Variants in CUL5 observed in about 807,000 individuals in gnomAD.
CUL5 encodes cullin 5, also known as cullin-5.
Under a neutral mutation model 108.8 loss-of-function variants are expected in CUL5, and 26 were observed. The ratio of observed to expected loss-of-function variants is 0.24; its 90% CI spans 0.18 to 0.33. The LOEUF (loss-of-function observed/expected upper bound fraction) is 0.33, where lower values mean the gene tolerates loss of function less well. Ranked by LOEUF, CUL5 falls within the 10% of genes least tolerant of loss-of-function variation. The probability of loss-of-function intolerance (pLI) is 1.00; values close to 1 mark genes in which losing one functional copy is unlikely to be tolerated. For missense variants in CUL5, 524 were observed against 909.2 expected, an observed-to-expected ratio of 0.58 and a Z score of 5.45; for synonymous variants, 334 against 298.0, an observed-to-expected ratio of 1.12 and a Z score of -1.25.
rs879170357 is a variant in CUL5 at position 108,054,632 on chromosome 11, T to C, written c.554-15T>C. 2 of 1,512,606 alleles carry C rather than the reference T, an allele frequency of 1.3e-6. No individual in the cohort carries two copies. Among genetic ancestry groups the C allele is most frequent in the South Asian group, 2.4e-5 (2 of 83,910 alleles). 93.7% of individuals were successfully genotyped at this position (1,512,606 alleles called of 1,614,324 possible). A position where few individuals can be genotyped will look rare whatever the true frequency, so the allele number is the denominator to read the frequency against. On this transcript the variant is annotated splice_polypyrimidine_tract_variant and intron_variant, in intron 5 of 18. Coordinates refer to ENST00000393094, the MANE Select transcript of CUL5 (RefSeq NM_003478.6). Reference sequence around the variant, plus strand: ...TGATCATAATTGGAGTAATACTTTATTTTCTGTTTTTCAGTTAACCTTTGT... The same window carrying C: ...TGATCATAATTGGAGTAATACTTTACTTTCTGTTTTTCAGTTAACCTTTGT...
At chr11:108,017,032 T>A (rs916197387) in intron 1 of CUL5, among the ~76,000 whole-genome samples, 1 of 152,132 alleles carries the variant, frequency 6.6e-6, no homozygotes, top group Non-Finnish European at 1.5e-5. Flanking sequence ...AGGTAATTGA[T>A]CTGTGTAGCT....
At position 108,052,804 on chromosome 11, in the gene CUL5, A is replaced by G. The variant is rs938534709; in HGVS notation, c.553+3A>G. Reference sequence around the variant, plus strand: ...TATTGGAGTAAGAGAATCCTATGGTATGTTCTGAACTTTTATGATCATAAT... The same window carrying G: ...TATTGGAGTAAGAGAATCCTATGGTGTGTTCTGAACTTTTATGATCATAAT... On this transcript the variant is annotated splice_donor_region_variant and intron_variant, in intron 5 of 18. Transcript: ENST00000393094. The G allele has an allele frequency of 6.2e-7, 1 of 1,608,442 alleles. No homozygotes were observed. The highest frequency in any genetic ancestry group is 1.3e-5 in the African/African-American group (1 of 74,786).
chr11:108,070,020 G>A, intron 7 of CUL5, 76 bp from the exon 8 acceptor site: 1 of 892,204 alleles, frequency 1.1e-6, no homozygotes, highest in Non-Finnish European at 1.7e-6. Flanking sequence ...GAACAATATT[G>A]TTTTATTTTG....
At chr11:108,011,703 C>T (rs138795364) in intron 1 of CUL5, among the ~76,000 whole-genome samples, 4 of 152,008 alleles carry the variant, frequency 2.6e-5, no homozygotes, top group Non-Finnish European at 4.4e-5. Context: ...TCTTGGTTCA[C>T]TGCAACTTCC....
intron 7 of CUL5, among the ~76,000 whole-genome samples, chr11:108,059,882 TAAAA>T (rs35036425): frequency 7.0e-6 from 1 of 142,002 alleles, no homozygotes; most frequent in South Asian, 2.3e-4. Context: ...AGACTCTGTC[TAAAA>T]AAAAAAAAAA....
In CUL5 at chr11:108,050,030, T is replaced by G; in HGVS notation, c.375T>G (p.Asn125Lys). Residue 125 changes from asparagine (N) to lysine (K), a missense_variant, in exon 4 of 19, where the codon AAT becomes AAG. Asn to Lys is a moderately conservative substitution (Grantham distance 94). Around this residue, in one of 8 missense-constraint regions of CUL5, gnomAD observed 170 missense variants for 305.1 expected, o/e 0.56. Transcript: ENST00000393094. ...CTTTAATGGGTAAACAGGGCAGCAA[T>G]AAAAAATCAAATGTGGAAGACAGTA... ...EITLMGKQGS[N>K]KKSNVEDSIV... The G allele has an allele frequency of 6.2e-7, 1 of 1,612,534 alleles. No individual in the cohort carries two copies. Among genetic ancestry groups the G allele is most frequent in the Non-Finnish European group, 8.5e-7 (1 of 1,179,506 alleles).
intron 7 of CUL5, among the ~76,000 whole-genome samples, chr11:108,067,700 G>A (rs928459501): frequency 6.6e-6 from 1 of 152,082 alleles, no homozygotes; most frequent in Non-Finnish European, 1.5e-5. Flanking sequence ...AAAACACAGA[G>A]CTTAGAGTTT....
intron 10 of CUL5, among the ~76,000 whole-genome samples, chr11:108,075,596 T>C (rs2135193701): frequency 6.6e-6 from 1 of 152,300 alleles, no homozygotes; most frequent in African/African-American, 2.4e-5. Flanking sequence ...AGTGCAGTGG[T>C]GCAATCATAG....
intron 8 of CUL5, among the ~76,000 whole-genome samples, chr11:108,071,196 C>A (rs573530642): frequency 3.9e-5 from 6 of 152,118 alleles, no homozygotes; most frequent in South Asian, 2.1e-4. Context: ...TGTAGTATTA[C>A]AACTACCTTA....
At chr11:108,089,684 T>A in intron 13 of CUL5, 61 bp downstream of exon 13, 2 of 893,538 alleles carry the variant, frequency 2.2e-6, no homozygotes, top group Non-Finnish European at 3.2e-6. Flanking sequence ...TATGTGTGCT[T>A]AAGTAATACA....
At chr11:108,040,766 G>A (rs1221318295) in intron 2 of CUL5, among the ~76,000 whole-genome samples, 1 of 151,950 alleles carries the variant, frequency 6.6e-6, no homozygotes. Flanking sequence ...GTGACAGGGA[G>A]AGACCCTGTC....
chr11:108,058,232 TTATGAAGAGTG>T (rs1465934672), intron 7 of CUL5, among the ~76,000 whole-genome samples: 1 of 145,278 alleles, frequency 6.9e-6, no homozygotes, highest in African/African-American at 2.5e-5. Context: ...AAAAAGAATA[TTATGAAGAGTG>T]CCTTTTTTTT....
intron 7 of CUL5, among the ~76,000 whole-genome samples, chr11:108,064,620 G>A (rs190031510): frequency 1.3e-3 from 205 of 152,290 alleles, no homozygotes; most frequent in Non-Finnish European, 2.1e-3. Flanking sequence ...TAAGGCAGGA[G>A]AGTTGCTTGA....
intron 2 of CUL5, among the ~76,000 whole-genome samples, chr11:108,041,694 G>T (rs1411289146): frequency 2.0e-5 from 3 of 151,978 alleles, no homozygotes; most frequent in Non-Finnish European, 4.4e-5. Flanking sequence ...GAGTTCAAGC[G>T]ATTCTCCTGC....
At chr11:108,030,466 C>G (rs1415126505) in intron 1 of CUL5, among the ~76,000 whole-genome samples, 6 of 152,082 alleles carry the variant, frequency 3.9e-5, no homozygotes, top group Non-Finnish European at 7.4e-5. Flanking sequence ...AGAGAAACCC[C>G]GTCTCTACAA....
intron 1 of CUL5, among the ~76,000 whole-genome samples, chr11:108,024,963 A>C (rs1041741521): frequency 6.6e-6 from 1 of 152,166 alleles, no homozygotes; most frequent in East Asian, 1.9e-4. Context: ...CACCTCCACT[A>C]CTAAAGCCTT....
intron 7 of CUL5, among the ~76,000 whole-genome samples, chr11:108,062,275 G>T (rs140026086): frequency 0.016 from 2,393 of 151,882 alleles, 61 homozygotes; most frequent in African/African-American, 0.055. Context: ...GCTTCCTCTT[G>T]GAATAGAATC....
intron 2 of CUL5, among the ~76,000 whole-genome samples, chr11:108,035,414 T>C (rs150083400): frequency 5.3e-5 from 8 of 152,204 alleles, no homozygotes; most frequent in Non-Finnish European, 1.0e-4. Context: ...AGTTTCTGGC[T>C]CCACAGGAGG....
chr11:108,025,821 GA>G (rs1862438993), intron 1 of CUL5, among the ~76,000 whole-genome samples: 1 of 152,132 alleles, frequency 6.6e-6, no homozygotes, highest in East Asian at 1.9e-4. Flanking sequence ...TTCAAACTCT[GA>G]ACTCTGCCTC....
Sources: gnomAD v4.1 joint callset for allele counts (sites outside exome capture counted in the v4.1 genomes callset) on GRCh38, gnomAD v4.1.1 for gene constraint, gnomAD v4.1.1 regional missense constraint, MANE v1.5 for transcripts, NCBI Gene and HGNC (gene_info 2026-07-23, HGNC 2026-07-21) for gene names.